TMEM209: variants seen among roughly 807,000 people sequenced by gnomAD.
TMEM209 encodes the protein testicular tissue protein Li 202.
A neutral mutation model predicts 76.2 loss-of-function variants in TMEM209; 65 were observed. The ratio of observed to expected loss-of-function variants is 0.85; its 90% CI spans 0.70 to 1.05. The LOEUF (loss-of-function observed/expected upper bound fraction) is 1.05. Among genes scored for constraint, TMEM209 ranks in the 50% least tolerant of loss-of-function variants. The pLI is 0.00. For synonymous variants in TMEM209, 239 were observed against 237.6 expected, an observed-to-expected ratio of 1.01 and a Z score of -0.06; for missense variants, 623 against 685.5, an observed-to-expected ratio of 0.91 and a Z score of 1.02.
intron 5 of TMEM209, among the ~76,000 whole-genome samples, chr7:130,201,333 T>C (rs1798191712): frequency 6.6e-6 from 1 of 151,990 alleles, no homozygotes; most frequent in Non-Finnish European, 1.5e-5. Context: ...TCCTAAAAAT[T>C]AGAACAAAAT....
In TMEM209 at chr7:130,202,384, A is replaced by C. The variant is rs953679240; in HGVS notation, c.331+148T>G. ...CTGAATGTATACAAGTAGGAATGATAATCATTGGTCATAAGACAATTTATT... is the reference window on the plus strand; with the variant it reads ...CTGAATGTATACAAGTAGGAATGATCATCATTGGTCATAAGACAATTTATT... On this transcript the variant is annotated intron_variant, in intron 4 of 14. Coordinates refer to ENST00000397622, the MANE Select transcript of TMEM209 (RefSeq NM_032842.4). 5.1e-6 allele frequency: 6 copies of C among 1,173,546 alleles called. No individual in the cohort carries two copies. In the African/African-American group the frequency reaches 9.2e-5, roughly 18 times the overall value. The allele number at this position is 1,173,546 out of a possible 1,614,324, so 72.7% of individuals were successfully genotyped here. A position where few individuals can be genotyped will look rare whatever the true frequency, so the allele number is the denominator to read the frequency against.
In TMEM209 at chr7:130,164,782, T is replaced by C. The variant is rs1031892471; in HGVS notation, c.*1669A>G. 10 of 152,204 alleles carry C rather than the reference T, an allele frequency of 6.6e-5. No individual in the cohort carries two copies. The highest frequency in any genetic ancestry group is 2.1e-4 in the South Asian group (1 of 4,834). 9.4% of individuals were successfully genotyped at this position (152,204 alleles called of 1,614,324 possible). ...TGCAACTAGTTTAACAGCATGACAA[T>C]TGTTATTCCAAGACATCTTCAGTAA... On this transcript the variant is annotated 3_prime_UTR_variant, in exon 15 of 15. Transcript: ENST00000397622.
chr7:130,203,720 A>T (rs1222555982), intron 3 of TMEM209, 68 bp downstream of exon 3: 2 of 1,322,568 alleles, frequency 1.5e-6, no homozygotes, highest in African/African-American at 3.0e-5. Flanking sequence ...ATGTATACTA[A>T]GCTGAATTAA....
chr7:130,186,720 A>ATTTTTCTTTGCTT (rs1192195301), intron 6 of TMEM209, among the ~76,000 whole-genome samples: 104 of 152,192 alleles, frequency 6.8e-4, no homozygotes, highest in Non-Finnish European at 1.4e-3. Context: ...AGTCAAAGCA[A>ATTTTTCTTTGCTT]AGAAAAAATG....
Position 130,173,623 on chromosome 7 carries a change from T to A in TMEM209, c.1557+9A>T, listed in dbSNP as rs1429734948. On this transcript the variant is annotated intron_variant, in intron 13 of 14. Coordinates refer to ENST00000397622, the MANE Select transcript of TMEM209 (RefSeq NM_032842.4). ...ATTCTGTAACAGCATCTTCTCTATA[T>A]AGAAATACCTTTGGCAGGTTGTATA... 1.3e-6 allele frequency: 2 copies of A among 1,598,324 alleles called. No individual in the cohort carries two copies. Among genetic ancestry groups the A allele is most frequent in the Admixed American group, 1.7e-5 (1 of 59,388 alleles).
At chr7:130,180,258 T>C (rs1797365620) in intron 9 of TMEM209, among the ~76,000 whole-genome samples, 1 of 152,194 alleles carries the variant, frequency 6.6e-6, no homozygotes, top group African/African-American at 2.4e-5. Flanking sequence ...ACTTTGTGAT[T>C]AATATCTGCT....
At position 130,170,389 on chromosome 7, in the gene TMEM209, T is replaced by C. The variant is rs1299749044; in HGVS notation, c.1631+11A>G. 1.2e-6 allele frequency: 2 copies of C among 1,605,390 alleles called. No homozygotes were observed. The highest frequency in any genetic ancestry group is 1.7e-6 in the Non-Finnish European group (2 of 1,175,594). On this transcript the variant is annotated intron_variant, in intron 14 of 14. Transcript: ENST00000397622. ...AATAACTACTTACGTTTTTAAAGCA[T>C]AAGTACCTACCCAAGCATTCCTGAC...
At chr7:130,187,094 T>A (rs950583006) in intron 6 of TMEM209, among the ~76,000 whole-genome samples, 10 of 151,698 alleles carry the variant, frequency 6.6e-5, no homozygotes, top group Non-Finnish European at 1.3e-4. Flanking sequence ...AATACAAAAA[T>A]TAGCCAGGTA....
rs752611246 is a variant in TMEM209 at position 130,202,610 on chromosome 7, AT to A, written c.252del (p.Arg84SerfsTer22). The A allele has an allele frequency of 6.2e-7, 1 of 1,613,934 alleles. No homozygotes were observed. The highest frequency in any genetic ancestry group is 1.1e-5 in the South Asian group (1 of 91,066). On this transcript the variant is annotated frameshift_variant, in exon 4 of 15. Transcript: ENST00000397622. LOFTEE classifies it high-confidence loss of function. Reference protein sequence around the residue: ...FSLNALFDFWRYFKYTVAPTS... With the variant: ...FSLNALFDFWXYFKYTVAPTS... ...GTTGGTGCCACAGTATATTTGAAAT[AT>A]CTCCAAAAATCAAATAAGGCATTAA...
chr7:130,171,805 G>C (rs1028426909), intron 13 of TMEM209, among the ~76,000 whole-genome samples: 2 of 152,012 alleles, frequency 1.3e-5, no homozygotes, highest in Admixed American at 1.3e-4. Flanking sequence ...CAAGGCAGGC[G>C]GATCACGAGG....
rs192144824 is a variant in TMEM209, at chr7:130,188,406, C to T, written c.776-3039G>A. Among the ~76,000 whole-genome samples, 555 of 152,050 alleles carry T rather than the reference C, an allele frequency of 3.7e-3. 5 individuals are homozygous for T. The highest frequency in any genetic ancestry group is 0.013 in the African/African-American group (540 of 41,486). ...GGTCAGGAGATCGAGACCATCCTGG[C>T]TAACATGGTGAAACCCCGTCTCTAC... On this transcript the variant is annotated intron_variant, in intron 6 of 14. Coordinates refer to ENST00000397622, the MANE Select transcript of TMEM209 (RefSeq NM_032842.4).
At chr7:130,205,334 T>C (rs929348828) in intron 1 of TMEM209, 39 bp downstream of exon 1, 1 of 1,613,780 alleles carries the variant, frequency 6.2e-7, no homozygotes, top group Non-Finnish European at 8.5e-7. Context: ...CCGCGTAGAT[T>C]CCAAGACAGG....
intron 10 of TMEM209, 34 bp from the exon 11 acceptor site, chr7:130,175,643 G>A (rs753072194): frequency 1.3e-6 from 2 of 1,521,598 alleles, no homozygotes; most frequent in Non-Finnish European, 1.8e-6. Context: ...TAAAAGCTAA[G>A]AGTATGCAAA....
At chr7:130,186,118 T>C (rs1797590147) in intron 6 of TMEM209, among the ~76,000 whole-genome samples, 1 of 152,146 alleles carries the variant, frequency 6.6e-6, no homozygotes, top group Admixed American at 6.5e-5. Context: ...TGACAACAAT[T>C]ATATGGTATT....
At chr7:130,167,439 T>C (rs1796917341) in intron 14 of TMEM209, among the ~76,000 whole-genome samples, 1 of 152,140 alleles carries the variant, frequency 6.6e-6, no homozygotes, top group African/African-American at 2.4e-5. Flanking sequence ...AGTCTAAGCA[T>C]CTTTTTGTGT....
At chr7:130,170,311 C>T in intron 14 of TMEM209, 89 bp downstream of exon 14, 1 of 1,071,570 alleles carries the variant, frequency 9.3e-7, no homozygotes, top group Non-Finnish European at 1.4e-6. Context: ...CATAAACCTT[C>T]AGTTACATGC....
chr7:130,167,476 A>G (rs1018106085), intron 14 of TMEM209, among the ~76,000 whole-genome samples: 2 of 152,144 alleles, frequency 1.3e-5, no homozygotes, highest in African/African-American at 4.8e-5. Context: ...CACTTTATGA[A>G]GAAATCTTTC....
chr7:130,173,655 G>T lies in TMEM209; in HGVS notation c.1534C>A (p.Arg512Ser), dbSNP rs746343987. 6.2e-7 allele frequency: 1 copy of T among 1,613,090 alleles called. No individual in the cohort carries two copies. The highest frequency in any genetic ancestry group is 2.2e-5 in the East Asian group (1 of 44,864). Residue 512 changes from arginine (R) to serine (S), a missense_variant, in exon 13 of 15, where the codon CGT becomes AGT. Arg to Ser is a moderately radical substitution (Grantham distance 110). Coordinates refer to ENST00000397622, the MANE Select transcript of TMEM209 (RefSeq NM_032842.4). ...NPPHYELIYQ[R>S]HVYNLPKGRN... ...ACCTTTGGCAGGTTGTATACATGAC[G>T]CTGGTAGATGAGCTCATAATGGGGA...
intron 5 of TMEM209, among the ~76,000 whole-genome samples, chr7:130,199,033 T>C (rs957820532): frequency 4.6e-5 from 7 of 152,192 alleles, no homozygotes; most frequent in Non-Finnish European, 8.8e-5. Context: ...GTTTTTGTTT[T>C]ACATTTTATG....
Sources: gnomAD v4.1 joint callset for allele counts (sites outside exome capture counted in the v4.1 genomes callset) on GRCh38, gnomAD v4.1.1 for gene constraint, MANE v1.5 for transcripts, NCBI Gene and HGNC (gene_info 2026-07-23, HGNC 2026-07-21) for gene names.